The following BCL11B variants were observed in gnomAD, a reference collection of about 807,000 sequenced individuals.
BCL11B encodes the protein B-cell lymphoma/leukemia 11B.
In BCL11B, 8 loss-of-function variants were observed where a neutral mutation model predicts 49.9. That is an observed-to-expected ratio of 0.16 (90% CI 0.09 to 0.29). The LOEUF is 0.29. BCL11B is among the 10% of genes least tolerant of loss of function. The probability of loss-of-function intolerance (pLI) is 1.00; values close to 1 mark genes in which losing one functional copy is unlikely to be tolerated. For synonymous variants in BCL11B, 739 were observed against 637.4 expected, an observed-to-expected ratio of 1.16 and a Z score of -2.40; for missense variants, 1,006 against 1,351.0, an observed-to-expected ratio of 0.74 and a Z score of 4.00.
At chr14:99,198,630 G>A (rs1887248498) in intron 3 of BCL11B, among the ~76,000 whole-genome samples, 1 of 152,072 alleles carries the variant, frequency 6.6e-6, no homozygotes, top group African/African-American at 2.4e-5. Context: ...TGGATTGAAT[G>A]GTATGAAAGG....
At position 99,199,640 on chromosome 14, in the gene BCL11B, C is replaced by CTCTGTG. The variant is rs1168964373; in HGVS notation, c.641-23446_641-23445insCACAGA. On this transcript the variant is annotated intron_variant, in intron 3 of 3. Transcript: ENST00000357195. The stretch of plus-strand genomic sequence containing the variant: ...GACTTAGCAGGGTTCTGGCTAAATG[C>CTCTGTG]TGTGTGTGTGTGTGTGTGTGTGTGT... Among the ~76,000 whole-genome samples the CTCTGTG allele has an allele frequency of 6.2e-3, 676 of 109,550 alleles. 3 individuals carry two copies. Among genetic ancestry groups the CTCTGTG allele is most frequent in the South Asian group, 0.017 (52 of 2,990 alleles). 71.9% of individuals were successfully genotyped at this position (109,550 alleles called of 152,430 possible). A position where few individuals can be genotyped will look rare whatever the true frequency, so the allele number is the denominator to read the frequency against.
intron 3 of BCL11B, among the ~76,000 whole-genome samples, chr14:99,214,937 TTCA>T (rs1460037564): frequency 6.6e-6 from 1 of 151,674 alleles, no homozygotes; most frequent in African/African-American, 2.4e-5. Flanking sequence ...CACAGGTGAG[TTCA>T]TCAAGCATGC....
chr14:99,246,490 C>G (rs1343021180), intron 2 of BCL11B, among the ~76,000 whole-genome samples: 3 of 152,204 alleles, frequency 2.0e-5, no homozygotes, highest in African/African-American at 7.2e-5. Flanking sequence ...TGCCGAGGAG[C>G]CTCCCGACCC....
intron 3 of BCL11B, among the ~76,000 whole-genome samples, chr14:99,198,455 G>A (rs1417400788): frequency 6.6e-6 from 1 of 152,176 alleles, no homozygotes; most frequent in African/African-American, 2.4e-5. Context: ...GAAGTGCCCT[G>A]ACATCATTAT....
intron 3 of BCL11B, among the ~76,000 whole-genome samples, chr14:99,180,865 T>G (rs1566797606): frequency 6.6e-6 from 1 of 152,164 alleles, no homozygotes; most frequent in Non-Finnish European, 1.5e-5. Flanking sequence ...TTGCAAACAT[T>G]GAGGAAACAT....
intron 2 of BCL11B, among the ~76,000 whole-genome samples, chr14:99,240,963 T>G (rs1162217702): frequency 6.6e-6 from 1 of 152,220 alleles, no homozygotes; most frequent in African/African-American, 2.4e-5. Context: ...TATTGCAGAC[T>G]ATTCCCATTA....
At chr14:99,271,106 C>A in intron 1 of BCL11B, 55 bp downstream of exon 1, 1 of 1,485,270 alleles carries the variant, frequency 6.7e-7, no homozygotes, top group Non-Finnish European at 8.9e-7. Flanking sequence ...GTCCCCAGCC[C>A]CAGACGCCCG....
At chr14:99,258,467 A>G (rs2139956106) in intron 1 of BCL11B, among the ~76,000 whole-genome samples, 1 of 151,898 alleles carries the variant, frequency 6.6e-6, no homozygotes, top group East Asian at 1.9e-4. Flanking sequence ...ACATTCCTCT[A>G]CCTGGGACCT....
In BCL11B at chr14:99,257,708, T is replaced by C; in HGVS notation, c.190A>G (p.Asn64Asp). The change falls in exon 2 of 4, where the codon AAC (asparagine) becomes GAC (aspartate). Residue 64 changes from asparagine (N) to aspartate (D), a missense_variant. By Grantham distance (23) the Asn-to-Asp change is conservative. Around this residue, in one of 6 missense-constraint regions of BCL11B, gnomAD observed 411 missense variants for 542.2 expected, o/e 0.76. Coordinates refer to ENST00000357195, the MANE Select transcript of BCL11B (RefSeq NM_138576.4). The surrounding 1 kb of genome is among the most constrained non-coding windows in gnomAD (Gnocchi z 6.2). ...DLLTCGQCQMNFPLGDILVFI... is the reference protein window; with the variant it reads ...DLLTCGQCQMDFPLGDILVFI... ...ACCAGGATGTCCCCCAAGGGGAAGT[T>C]CATTTGACACTGGCCACAGGTGAGC... 6.2e-7 allele frequency: 1 copy of C among 1,612,472 alleles called. No homozygotes were observed. Among genetic ancestry groups the C allele is most frequent in the Non-Finnish European group, 8.5e-7 (1 of 1,179,000 alleles).
intron 3 of BCL11B, among the ~76,000 whole-genome samples, chr14:99,220,159 C>T (rs1208836144): frequency 6.6e-5 from 10 of 152,178 alleles, no homozygotes; most frequent in Non-Finnish European, 1.2e-4. Context: ...TGTAAAACAG[C>T]GTAGCCACTA....
chr14:99,241,347 AG>A lies in BCL11B; in HGVS notation c.428-9791del, dbSNP rs1888665272. Among the ~76,000 whole-genome samples the A allele has an allele frequency of 6.6e-6, 1 of 152,130 alleles. No individual in the cohort carries two copies. Among genetic ancestry groups the A allele is most frequent in the African/African-American group, 2.4e-5 (1 of 41,436 alleles). ...TCTTACACATAAACAATCATAGTGT[AG>A]CCAGGATCCCAACGAGCTCCAATTC... On this transcript the variant is annotated intron_variant, in intron 2 of 3. Transcript: ENST00000357195. The surrounding 1 kb of genome is among the most constrained non-coding windows in gnomAD (Gnocchi z 4.4).
intron 3 of BCL11B, among the ~76,000 whole-genome samples, chr14:99,197,946 G>A (rs921192927): frequency 2.0e-5 from 3 of 152,204 alleles, no homozygotes. Flanking sequence ...AAGAGACGAT[G>A]CCTCCCAAAT....
chr14:99,250,713 A>AT (rs1888983945), intron 2 of BCL11B, among the ~76,000 whole-genome samples: 1 of 152,232 alleles, frequency 6.6e-6, no homozygotes, highest in African/African-American at 2.4e-5. Flanking sequence ...TAATAATATT[A>AT]ACTCAGGCTG....
At chr14:99,270,180 A>T (rs1187606457) in intron 1 of BCL11B, among the ~76,000 whole-genome samples, 3 of 152,064 alleles carry the variant, frequency 2.0e-5, no homozygotes. Context: ...GCCCAGCCAC[A>T]TGCTTGAAAT....
intron 3 of BCL11B, among the ~76,000 whole-genome samples, chr14:99,211,348 G>A (rs867703728): frequency 3.3e-5 from 5 of 152,184 alleles, no homozygotes; most frequent in South Asian, 2.1e-4. Flanking sequence ...GACAGCCTCT[G>A]GGCCCAGGGC....
chr14:99,268,825 C>A (rs1455972819), intron 1 of BCL11B, among the ~76,000 whole-genome samples: 1 of 152,192 alleles, frequency 6.6e-6, no homozygotes, highest in African/African-American at 2.4e-5. Context: ...TTCTCTCCAC[C>A]TCTCTTCTCC....
At chr14:99,180,221 G>C (rs1282760562) in intron 3 of BCL11B, among the ~76,000 whole-genome samples, 2 of 152,160 alleles carry the variant, frequency 1.3e-5, no homozygotes, top group Non-Finnish European at 2.9e-5. Flanking sequence ...GATAGGTCAA[G>C]GCCTAGACTA....
Position 99,242,818 on chromosome 14 carries a change from T to C in BCL11B, c.428-11261A>G, listed in dbSNP as rs1595067558. ...CCAAAGAAAAGCAACAACCAAAAAG[T>C]AAAATGGAGCCCCAATAGGACACTT... is the stretch of plus-strand genomic sequence containing the variant. On this transcript the variant is annotated intron_variant, in intron 2 of 3. Coordinates refer to ENST00000357195, the MANE Select transcript of BCL11B (RefSeq NM_138576.4). The surrounding 1 kb of genome is among the most constrained non-coding windows in gnomAD (Gnocchi z 4.4). Among the ~76,000 whole-genome samples, 1 of 152,228 alleles carries C rather than the reference T, an allele frequency of 6.6e-6. No homozygotes were observed. The highest frequency in any genetic ancestry group is 1.9e-4 in the East Asian group (1 of 5,174).
At chr14:99,198,486 T>G (rs1887243639) in intron 3 of BCL11B, among the ~76,000 whole-genome samples, 1 of 152,166 alleles carries the variant, frequency 6.6e-6, no homozygotes, top group Non-Finnish European at 1.5e-5. Flanking sequence ...TGGGTGATGT[T>G]CCACCCTATG....
Sources: gnomAD v4.1 joint callset for allele counts (sites outside exome capture counted in the v4.1 genomes callset) on GRCh38, gnomAD v4.1.1 for gene constraint, gnomAD v4.1.1 regional missense constraint, Gnocchi (gnomAD v3.1) non-coding constraint, MANE v1.5 for transcripts, NCBI Gene and HGNC (gene_info 2026-07-23, HGNC 2026-07-21) for gene names.